Variants in KIAA1217 observed in about 807,000 individuals in gnomAD.
The protein encoded by KIAA1217 is sickle tail protein homolog.
KIAA1217 carries 88 observed loss-of-function variants against 163.9 expected under a neutral mutation model. The observed-to-expected ratio is 0.54, with a 90% CI of 0.45 to 0.64. KIAA1217 has a LOEUF of 0.64. KIAA1217 is among the 30% of genes least tolerant of loss of function. The pLI, the probability that KIAA1217 is intolerant of heterozygous loss-of-function variation, is 0.00. For synonymous variants in KIAA1217, 903 were observed against 923.1 expected (o/e 0.98, Z 0.39); for missense variants, 2,372 against 2,475.0 (o/e 0.96, Z 0.88).
intron 1 of KIAA1217, among the ~76,000 whole-genome samples, chr10:23,741,728 A>G (rs1484795683): frequency 6.6e-6 from 1 of 152,190 alleles, no homozygotes; most frequent in African/African-American, 2.4e-5. Context: ...CTCTGCTTAA[A>G]TTTAGTGGGA....
chr10:24,522,845 C>T (rs746340176), intron 12 of KIAA1217, among the ~76,000 whole-genome samples: 22 of 152,222 alleles, frequency 1.4e-4, no homozygotes, highest in Admixed American at 2.6e-4. Context: ...CAGGCGGTGG[C>T]GTGCCTGTAA....
intron 14 of KIAA1217, among the ~76,000 whole-genome samples, chr10:24,528,643 T>C (rs1008346596): frequency 1.3e-5 from 2 of 152,194 alleles, no homozygotes; most frequent in East Asian, 3.8e-4. Flanking sequence ...TACTGTTTTA[T>C]GCTAACCACA....
chr10:23,908,647 T>C (rs1842287429), intron 1 of KIAA1217, among the ~76,000 whole-genome samples: 1 of 152,174 alleles, frequency 6.6e-6, no homozygotes, highest in Non-Finnish European at 1.5e-5. Context: ...CCCTGAGTGA[T>C]GTCTAGTCTC....
chr10:24,460,265 G>A (rs1290007811), intron 5 of KIAA1217, among the ~76,000 whole-genome samples: 1 of 152,170 alleles, frequency 6.6e-6, no homozygotes, highest in Non-Finnish European at 1.5e-5. Flanking sequence ...CTATAAAATT[G>A]TATAACAAAT....
At chr10:24,158,856 G>A (rs1325916523) in intron 2 of KIAA1217, 2 of 319,102 alleles carry the variant, frequency 6.3e-6, no homozygotes, top group Non-Finnish European at 1.3e-5. Context: ...GGTTCCTTCG[G>A]TTAGTTATAT....
At position 24,390,482 on chromosome 10, in the gene KIAA1217, A is replaced by AAGGAAGGAAGGC. The variant is rs1198392310; in HGVS notation, c.553+9426_553+9427insCAGGAAGGAAGG. On this transcript the variant is annotated intron_variant, in intron 3 of 20. Coordinates refer to ENST00000376454, the MANE Select transcript of KIAA1217 (RefSeq NM_019590.5). ...AAAGGAGGGAGGGAGGGAGGGAAGG[A>AAGGAAGGAAGGC]AGGAAGGAAGGAAGGAAGGAAGGAA... Among the ~76,000 whole-genome samples the AAGGAAGGAAGGC allele has an allele frequency of 8.1e-3, 1,033 of 126,774 alleles. 67 individuals are homozygous for AAGGAAGGAAGGC. The highest frequency in any genetic ancestry group is 0.048 in the East Asian group (204 of 4,262). 83.2% of individuals were successfully genotyped at this position (126,774 alleles called of 152,430 possible). A position where few individuals can be genotyped will look rare whatever the true frequency, so the allele number is the denominator to read the frequency against.
chr10:24,387,076 G>C (rs1392060612), intron 3 of KIAA1217, among the ~76,000 whole-genome samples: 2 of 152,126 alleles, frequency 1.3e-5, no homozygotes, highest in East Asian at 3.9e-4. Context: ...CATAGAAAAT[G>C]TCAGAGCAGG....
At chr10:23,847,471 A>C (rs1027696313) in intron 1 of KIAA1217, among the ~76,000 whole-genome samples, 4 of 152,198 alleles carry the variant, frequency 2.6e-5, no homozygotes, top group Non-Finnish European at 5.9e-5. Flanking sequence ...GTATGTGTCC[A>C]GGAATTTATC....
At chr10:24,511,939 C>T (rs1050697046) in intron 9 of KIAA1217, among the ~76,000 whole-genome samples, 7 of 152,110 alleles carry the variant, frequency 4.6e-5, no homozygotes, top group Admixed American at 6.5e-5. Context: ...GACCAACCTA[C>T]GAGCTATGAG....
chr10:24,446,087 A>T (rs1183891407), intron 5 of KIAA1217, among the ~76,000 whole-genome samples: 1 of 152,086 alleles, frequency 6.6e-6, no homozygotes, highest in Non-Finnish European at 1.5e-5. Flanking sequence ...CTGGCGTGAG[A>T]TGGTATCTGA....
intron 13 of KIAA1217, 68 bp downstream of exon 13, chr10:24,524,832 C>A: frequency 7.6e-7 from 1 of 1,310,742 alleles, no homozygotes; most frequent in Non-Finnish European, 1.1e-6. Context: ...TCCCTTAAAG[C>A]ATTTATAGGT....
intron 1 of KIAA1217, among the ~76,000 whole-genome samples, chr10:23,765,500 G>C (rs1588751829): frequency 6.6e-6 from 1 of 151,912 alleles, no homozygotes; most frequent in Non-Finnish European, 1.5e-5. Flanking sequence ...TCACCCCTTT[G>C]CCATCCCAAA....
intron 2 of KIAA1217, among the ~76,000 whole-genome samples, chr10:24,187,620 G>A (rs1013574611): frequency 5.9e-5 from 9 of 152,206 alleles, no homozygotes; most frequent in African/African-American, 1.9e-4. Flanking sequence ...GCCAGGCGCA[G>A]TGTCTCACGC....
rs149143540 is a variant in KIAA1217, at chr10:24,196,438, G to C, written c.-170-23188G>C. Among the ~76,000 whole-genome samples, 35 of 152,312 alleles carry C rather than the reference G, an allele frequency of 2.3e-4. No homozygotes were observed. In the East Asian group the frequency reaches 6.8e-3, roughly 29 times the overall value. The stretch of plus-strand genomic sequence containing the variant: ...TAGAAAACAAAAAGCATTGCCAAAA[G>C]TGGATGTTTACAATTGCTTGGGGGT... On this transcript the variant is annotated intron_variant, in intron 2 of 18. Coordinates refer to the KIAA1217 transcript ENST00000376462.
chr10:24,383,034 A>G (rs2053531918), intron 3 of KIAA1217, among the ~76,000 whole-genome samples: 2 of 151,442 alleles, frequency 1.3e-5, no homozygotes, highest in Admixed American at 1.3e-4. Flanking sequence ...TTTTGTAGAG[A>G]TGGGGTCTCA....
In KIAA1217 at chr10:24,544,157, A is replaced by G. The variant is rs116473473; in HGVS notation, c.4887A>G (p.Gln1629=). The G allele has an allele frequency of 7.4e-6, 12 of 1,614,124 alleles. No individual in the cohort carries two copies. In the African/African-American group the frequency reaches 1.3e-4, roughly 18 times the overall value. Reference sequence around the variant, plus strand: ...AGCGCTTCGAAATCGCTAGGTCTCAACCTGAAGACACCCCTGAAAACACAG... The same window carrying G: ...AGCGCTTCGAAATCGCTAGGTCTCAGCCTGAAGACACCCCTGAAAACACAG... The part of the protein sequence containing the change: ...EAKRFEIARS[Q]PEDTPENTVR... Residue 1629 remains glutamine, a synonymous_variant, in exon 19 of 21, where the codon CAA becomes CAG. Transcript: ENST00000376454.
At chr10:23,926,499 T>G (rs1843026093) in intron 1 of KIAA1217, among the ~76,000 whole-genome samples, 1 of 151,986 alleles carries the variant, frequency 6.6e-6, no homozygotes, top group Non-Finnish European at 1.5e-5. Context: ...GCGACGTGAG[T>G]GGATCACCTG....
intron 1 of KIAA1217, among the ~76,000 whole-genome samples, chr10:23,934,557 GTATATATATATATATA>G (rs778185120): frequency 9.0e-5 from 4 of 44,344 alleles, no homozygotes; most frequent in South Asian, 7.1e-4. Flanking sequence ...GGTCTTTAAA[GTATATATATATATATA>G]TATATATATA....
At position 23,699,298 on chromosome 10, in the gene KIAA1217, C is replaced by A. The variant is rs932665997; in HGVS notation, c.-321+4064C>A. 3.7e-4 allele frequency among the ~76,000 whole-genome samples: 57 copies of A among 152,180 alleles called. 1 individual carries two copies. ...ACATCTTCTTTCCTACATGTGGACA[C>A]CAATGTACATCAAAGAATCACAGTT... is the stretch of plus-strand genomic sequence containing the variant. On this transcript the variant is annotated intron_variant, in intron 1 of 18. Coordinates refer to the KIAA1217 transcript ENST00000376462.
Sources: gnomAD v4.1 joint callset for allele counts (sites outside exome capture counted in the v4.1 genomes callset) on GRCh38, gnomAD v4.1.1 for gene constraint, MANE v1.5 for transcripts, NCBI Gene and HGNC (gene_info 2026-07-23, HGNC 2026-07-21) for gene names.